The following LTBP1 variants were observed in gnomAD, a reference collection of about 807,000 sequenced individuals.
The protein encoded by LTBP1 is latent-transforming growth factor beta-binding protein 1.
Under a neutral mutation model 207.6 loss-of-function variants are expected in LTBP1, and 129 were observed. The observed-to-expected ratio is 0.62, with a 90% CI of 0.54 to 0.72. The LOEUF (loss-of-function observed/expected upper bound fraction) is 0.72. Ranked by LOEUF, LTBP1 falls within the 30% of genes least tolerant of loss-of-function variation. LTBP1 has a pLI of 0.00. For missense variants in LTBP1, 2,281 were observed against 2,217.2 expected (o/e 1.03, Z -0.58); for synonymous variants, 963 against 833.7 (o/e 1.16, Z -2.67).
At chr2:33,167,887 A>T (rs753109452) in intron 5 of LTBP1, among the ~76,000 whole-genome samples, 4 of 152,264 alleles carry the variant, frequency 2.6e-5, no homozygotes, top group Non-Finnish European at 5.9e-5. Flanking sequence ...CACTGGTGGT[A>T]TAGAGAATCT....
At chr2:33,146,653 T>C (rs1448914691) in intron 5 of LTBP1, among the ~76,000 whole-genome samples, 1 of 152,118 alleles carries the variant, frequency 6.6e-6, no homozygotes, top group African/African-American at 2.4e-5. Flanking sequence ...GGAAGCATGG[T>C]TGGGGAGGCC....
At chr2:33,041,108 C>T (rs746292485) in intron 3 of LTBP1, among the ~76,000 whole-genome samples, 5 of 152,156 alleles carry the variant, frequency 3.3e-5, no homozygotes, top group Non-Finnish European at 7.4e-5. Flanking sequence ...TGAACCCAAG[C>T]CTGTGTGACC....
At chr2:32,984,386 G>A (rs1471549830) in intron 2 of LTBP1, among the ~76,000 whole-genome samples, 4 of 152,122 alleles carry the variant, frequency 2.6e-5, no homozygotes, top group African/African-American at 9.7e-5. Flanking sequence ...GCTTTAAAGG[G>A]CCATCTGATC....
intron 2 of LTBP1, among the ~76,000 whole-genome samples, chr2:32,966,670 TG>T (rs1197095795): frequency 6.6e-6 from 1 of 152,178 alleles, no homozygotes; most frequent in Non-Finnish European, 1.5e-5. Context: ...GTTGTTGATG[TG>T]ATGGATTATG....
At chr2:33,112,121 A>T (rs118208) in intron 4 of LTBP1, among the ~76,000 whole-genome samples, 72,845 of 151,924 alleles carry the variant, frequency 0.48, 17,864 homozygotes, top group South Asian at 0.61. Context: ...GGGAAGAGAG[A>T]TTTTAAAGTT....
intron 15 of LTBP1, among the ~76,000 whole-genome samples, chr2:33,272,110 T>G (rs2093334445): frequency 6.6e-6 from 1 of 152,230 alleles, no homozygotes; most frequent in African/African-American, 2.4e-5. Context: ...TCAGATGACT[T>G]GCATGAGTAG....
intron 31 of LTBP1, among the ~76,000 whole-genome samples, chr2:33,366,485 T>G (rs2150122655): frequency 6.6e-6 from 1 of 152,114 alleles, no homozygotes; most frequent in East Asian, 1.9e-4. Flanking sequence ...AAAGAGAAAA[T>G]AATTGGGAAT....
chr2:33,020,783 T>A, intron 2 of LTBP1, 126 bp from the exon 3 acceptor site: 2 of 905,372 alleles, frequency 2.2e-6, no homozygotes, highest in Non-Finnish European at 3.3e-6. Context: ...ACCTTCCTCC[T>A]TATGAGTATT....
At chr2:33,355,462 G>A (rs927022522) in intron 26 of LTBP1, among the ~76,000 whole-genome samples, 1 of 151,998 alleles carries the variant, frequency 6.6e-6, no homozygotes, top group African/African-American at 2.4e-5. Context: ...TAAATGACAT[G>A]TAAATTGTTA....
At chr2:33,197,518 C>G (rs929934112) in intron 7 of LTBP1, among the ~76,000 whole-genome samples, 2 of 152,148 alleles carry the variant, frequency 1.3e-5, no homozygotes, top group African/African-American at 4.8e-5. Flanking sequence ...TTTATTTTTG[C>G]ATCATAGGAA....
rs1344751851 is a variant in LTBP1, at chr2:33,260,312, G to A, written c.2418+702G>A. Among the ~76,000 whole-genome samples, 3 of 152,132 alleles carry A rather than the reference G, an allele frequency of 2.0e-5. No individual in the cohort carries two copies. In the East Asian group the frequency reaches 5.8e-4, roughly 29 times the overall value. The stretch of plus-strand genomic sequence containing the variant: ...GAACTTTATGTCAGAGAACTACTAT[G>A]ATATATTGCTAGACTAAATTATCGT... On this transcript the variant is annotated intron_variant, in intron 13 of 33. Transcript: ENST00000404816.
intron 9 of LTBP1, among the ~76,000 whole-genome samples, chr2:33,239,270 T>C (rs2092202268): frequency 6.6e-6 from 1 of 152,246 alleles, no homozygotes; most frequent in Non-Finnish European, 1.5e-5. Flanking sequence ...CGTATGAATT[T>C]CTTTCCTAGT....
intron 4 of LTBP1, among the ~76,000 whole-genome samples, chr2:33,117,460 A>G (rs2080813524): frequency 6.6e-6 from 1 of 152,130 alleles, no homozygotes; most frequent in Non-Finnish European, 1.5e-5. Flanking sequence ...TACCACAAAG[A>G]GGTTACCCGT....
At chr2:33,026,079 A>G (rs945350848) in intron 3 of LTBP1, among the ~76,000 whole-genome samples, 4 of 152,216 alleles carry the variant, frequency 2.6e-5, no homozygotes, top group Non-Finnish European at 5.9e-5. Context: ...TTATAAAGCT[A>G]TGCCAATAGT....
At chr2:33,259,937 A>T (rs1297903615) in intron 13 of LTBP1, among the ~76,000 whole-genome samples, 1 of 152,194 alleles carries the variant, frequency 6.6e-6, no homozygotes, top group Non-Finnish European at 1.5e-5. Flanking sequence ...GATGGCCTGG[A>T]CCATCTGTGA....
At chr2:33,104,982 A>G (rs1012174817) in intron 3 of LTBP1, among the ~76,000 whole-genome samples, 3 of 151,822 alleles carry the variant, frequency 2.0e-5, no homozygotes, top group African/African-American at 7.3e-5. Flanking sequence ...GGCTGTCCCC[A>G]CCCCTTTGCT....
intron 10 of LTBP1, among the ~76,000 whole-genome samples, chr2:33,245,915 A>C (rs2092493113): frequency 6.6e-6 from 1 of 152,216 alleles, no homozygotes; most frequent in Non-Finnish European, 1.5e-5. Context: ...AACTTTGACC[A>C]GATCTGATGT....
intron 26 of LTBP1, among the ~76,000 whole-genome samples, chr2:33,356,446 G>A (rs964156201): frequency 2.0e-5 from 3 of 152,154 alleles, no homozygotes; most frequent in Admixed American, 6.5e-5. Flanking sequence ...TTGGGAGGCC[G>A]AGGTGGGTGG....
At chr2:32,979,033 A>G (rs1170767580) in intron 2 of LTBP1, among the ~76,000 whole-genome samples, 1 of 151,718 alleles carries the variant, frequency 6.6e-6, no homozygotes, top group Non-Finnish European at 1.5e-5. Context: ...TTTCTGTGTT[A>G]TCAATTGTTA....
Sources: allele counts gnomAD v4.1 joint callset (sites outside exome capture counted in the v4.1 genomes callset), GRCh38; gene constraint gnomAD v4.1.1; transcripts MANE v1.5; gene names NCBI Gene and HGNC (gene_info 2026-07-23, HGNC 2026-07-21).